Variants in PALLD observed in about 807,000 individuals in gnomAD.
PALLD encodes palladin.
In PALLD, 61 loss-of-function variants were observed where a neutral mutation model predicts 123.5. The observed-to-expected ratio is 0.49, with a 90% CI of 0.40 to 0.61. The LOEUF is 0.61. Ranked by LOEUF, PALLD falls within the 20% of genes least tolerant of loss-of-function variation. The probability of loss-of-function intolerance (pLI) is 0.00; values close to 1 mark genes in which losing one functional copy is unlikely to be tolerated. For synonymous variants in PALLD, 465 were observed against 496.4 expected, an observed-to-expected ratio of 0.94 and a Z score of 0.84; for missense variants, 1,273 against 1,377.0, an observed-to-expected ratio of 0.92 and a Z score of 1.20.
rs1762581259 is a variant in PALLD, at chr4:168,512,145, T to C, written c.641T>C (p.Leu214Pro). ...TCTCCTAAAAATCAGCCGTCAGCCC[T>C]GCTGAGTGCCTCAGCCAGCCAGAGC... ...YLSPKNQPSA[L>P]LSASASQSPM... Residue 214 changes from leucine to proline, a missense_variant, in exon 2 of 22, where the codon CTG (leucine) becomes CCG (proline). Coordinates refer to ENST00000505667, the MANE Select transcript of PALLD (RefSeq NM_001166108.2). 4 of 1,614,200 alleles carry C rather than the reference T, an allele frequency of 2.5e-6. No individual in the cohort carries two copies. The East Asian group carries it at 8.9e-5, about 36-fold the overall frequency.
chr4:168,778,489 G>A (rs531945198), intron 10 of PALLD, among the ~76,000 whole-genome samples: 52 of 152,062 alleles, frequency 3.4e-4, no homozygotes, highest in Non-Finnish European at 5.7e-4. Flanking sequence ...CTTGTGTGTC[G>A]TACTATGGCG....
intron 2 of PALLD, among the ~76,000 whole-genome samples, chr4:168,659,024 A>G (rs542544713): frequency 4.7e-4 from 71 of 152,352 alleles, no homozygotes; most frequent in African/African-American, 1.7e-3. Flanking sequence ...CAGAATAAAC[A>G]TAGTGTGTCA....
intron 6 of PALLD, among the ~76,000 whole-genome samples, chr4:168,688,554 G>T (rs1782305701): frequency 2.6e-5 from 4 of 152,222 alleles, no homozygotes; most frequent in Admixed American, 2.6e-4. Flanking sequence ...GATCCAGGTT[G>T]CCAGGTGCAT....
At chr4:168,666,959 G>T (rs117597878) in intron 2 of PALLD, among the ~76,000 whole-genome samples, 1 of 152,078 alleles carries the variant, frequency 6.6e-6, no homozygotes, top group African/African-American at 2.4e-5. Flanking sequence ...GTCCTGCTCC[G>T]TTGCCCCCAA....
chr4:168,592,136 C>A (rs558843284), intron 2 of PALLD, among the ~76,000 whole-genome samples: 1 of 152,002 alleles, frequency 6.6e-6, no homozygotes, highest in Non-Finnish European at 1.5e-5. Flanking sequence ...CCTGCCTCAG[C>A]CTCCTGAGTA....
intron 2 of PALLD, among the ~76,000 whole-genome samples, chr4:168,656,384 T>A (rs10010321): frequency 1.3e-5 from 2 of 151,838 alleles, no homozygotes; most frequent in African/African-American, 4.8e-5. Flanking sequence ...GATGAATCTA[T>A]TTTTTTAGCT....
intron 10 of PALLD, among the ~76,000 whole-genome samples, chr4:168,717,134 ATAT>A (rs1270891444): frequency 6.6e-6 from 1 of 152,070 alleles, no homozygotes; most frequent in African/African-American, 2.4e-5. Flanking sequence ...CCTGCCTCCA[ATAT>A]TATAATGTAG....
rs376694260 is a variant in PALLD at position 168,909,042 on chromosome 4, T to C, written c.2623-4885T>C. ...CGATGTGTGTAGCTCAAGCAATTCA[T>C]AAGAGACCAAAGCAATCACATAGTT... On this transcript the variant is annotated intron_variant, in intron 15 of 21. Coordinates refer to ENST00000505667, the MANE Select transcript of PALLD (RefSeq NM_001166108.2). Among the ~76,000 whole-genome samples, 5 of 152,296 alleles carry C rather than the reference T, an allele frequency of 3.3e-5. No homozygotes were observed. In the East Asian group the frequency reaches 9.6e-4, roughly 29 times the overall value.
intron 2 of PALLD, among the ~76,000 whole-genome samples, chr4:168,555,189 C>T (rs955579742): frequency 6.6e-6 from 1 of 152,066 alleles, no homozygotes; most frequent in Non-Finnish European, 1.5e-5. Context: ...GGGGTGTTTT[C>T]CCCAGTGAAT....
chr4:168,647,627 AAAAATT>A (rs1391406606), intron 2 of PALLD, among the ~76,000 whole-genome samples: 2 of 151,994 alleles, frequency 1.3e-5, no homozygotes, highest in Admixed American at 1.3e-4. Flanking sequence ...CTAAAAATAC[AAAAATT>A]AGCTGGGCAT....
chr4:168,585,987 A>C (rs1490313931), intron 2 of PALLD, among the ~76,000 whole-genome samples: 2 of 152,050 alleles, frequency 1.3e-5, no homozygotes, highest in East Asian at 1.9e-4. Context: ...TTACTATTAT[A>C]GGTCTATTAA....
intron 10 of PALLD, among the ~76,000 whole-genome samples, chr4:168,840,394 T>C (rs1336279747): frequency 2.6e-5 from 4 of 152,222 alleles, no homozygotes; most frequent in Non-Finnish European, 4.4e-5. Context: ...CAGCTAGGGC[T>C]AATAAGGCAG....
At chr4:168,788,661 T>C (rs1486888793) in intron 10 of PALLD, among the ~76,000 whole-genome samples, 1 of 152,186 alleles carries the variant, frequency 6.6e-6, no homozygotes, top group Non-Finnish European at 1.5e-5. Context: ...TCATCAGTTC[T>C]AGCCAGCGTA....
chr4:168,915,922 A>G lies in PALLD; in HGVS notation c.2745A>G (p.Gly915=), dbSNP rs200328911. The G allele has an allele frequency of 1.2e-5, 19 of 1,613,138 alleles. No individual in the cohort carries two copies. The highest frequency in any genetic ancestry group is 1.6e-5 in the Non-Finnish European group (19 of 1,179,200). The part of the protein sequence containing the change: ...RRPRSRSRDS[G]DENEPIQERF... ...CTCGTTCTAGATCAAGGGACAGTGG[A>G]GACGAAAATGAACCAATTCAGGAGC... Residue 915 remains glycine, a synonymous_variant, in exon 17 of 22, where the codon GGA becomes GGG. Coordinates refer to ENST00000505667, the MANE Select transcript of PALLD (RefSeq NM_001166108.2).
intron 10 of PALLD, chr4:168,877,826 CCCTTCCCGCCGCCGCCCG>C (rs1163850262): frequency 4.6e-6 from 6 of 1,304,428 alleles, no homozygotes; most frequent in Non-Finnish European, 4.9e-6. Flanking sequence ...GCCCTCGCCC[CCCTTCCCGCCGCCGCCCG>C]CCTTCCCCGA....
chr4:168,672,338 C>G (rs555071729), intron 3 of PALLD, among the ~76,000 whole-genome samples: 1 of 152,152 alleles, frequency 6.6e-6, no homozygotes, highest in Non-Finnish European at 1.5e-5. Context: ...AACATTAGAA[C>G]GTATTCCTCT....
chr4:168,707,118 G>T (rs940489871), intron 8 of PALLD, among the ~76,000 whole-genome samples: 2 of 151,850 alleles, frequency 1.3e-5, no homozygotes, highest in Non-Finnish European at 2.9e-5. Flanking sequence ...TTGTTTCAGG[G>T]TTTAAAACAT....
chr4:168,745,369 C>T (rs1294452682), intron 10 of PALLD, among the ~76,000 whole-genome samples: 1 of 142,722 alleles, frequency 7.0e-6, no homozygotes, highest in Admixed American at 7.5e-5. Flanking sequence ...GTACCCCAAT[C>T]TATATTAGTT....
chr4:168,844,566 CA>C lies in PALLD; in HGVS notation c.1965-46355del, dbSNP rs1746523366. 6.6e-6 allele frequency: 1 copy of C among 152,170 alleles called. No homozygotes were observed. The highest frequency in any genetic ancestry group is 1.5e-5 in the Non-Finnish European group (1 of 68,036). The allele number at this position is 152,170 out of a possible 1,614,324, so 9.4% of individuals were successfully genotyped here. A position where few individuals can be genotyped will look rare whatever the true frequency, so the allele number is the denominator to read the frequency against. ...AGTCGCTCGTCAAAAACTGTGCCAT[CA>C]GCGCAAGACCCTGTGATTTCTGTGG... On this transcript the variant is annotated intron_variant, in intron 10 of 21. Transcript: ENST00000505667. This position sits in a 1 kb window ranked among gnomAD's most constrained non-coding sequence, Gnocchi z 4.5.
Sources: gnomAD v4.1 joint callset for allele counts (sites outside exome capture counted in the v4.1 genomes callset) on GRCh38, gnomAD v4.1.1 for gene constraint, Gnocchi (gnomAD v3.1) non-coding constraint, MANE v1.5 for transcripts, NCBI Gene and HGNC (gene_info 2026-07-23, HGNC 2026-07-21) for gene names.